The following RBMS3 variants were observed in gnomAD, a reference collection of about 807,000 sequenced individuals.
RBMS3 encodes RNA-binding motif, single-stranded-interacting protein 3.
Under a neutral mutation model 66.8 loss-of-function variants are expected in RBMS3, and 27 were observed. The observed-to-expected ratio is 0.40, with a 90% CI of 0.30 to 0.56. The LOEUF (loss-of-function observed/expected upper bound fraction) is 0.56, where lower values mean the gene tolerates loss of function less well. Among genes scored for constraint, RBMS3 ranks in the 20% least tolerant of loss-of-function variants. The pLI, the probability that RBMS3 is intolerant of heterozygous loss-of-function variation, is 0.40. For synonymous variants in RBMS3, 188 were observed against 183.0 expected (o/e 1.03, Z -0.22); for missense variants, 513 against 549.5 (o/e 0.93, Z 0.66).
intron 14 of RBMS3, among the ~76,000 whole-genome samples, chr3:30,001,014 T>C (rs1158790273): frequency 6.6e-6 from 1 of 151,124 alleles, no homozygotes; most frequent in Admixed American, 6.6e-5. Context: ...GTTCTGCATA[T>C]GTATCCCAGA....
intron 1 of RBMS3, among the ~76,000 whole-genome samples, chr3:29,389,218 T>C (rs1207858104): frequency 1.3e-5 from 2 of 152,180 alleles, no homozygotes; most frequent in African/African-American, 4.8e-5. Flanking sequence ...TTCTCATTTT[T>C]CTTCTTTGCC....
intron 3 of RBMS3, among the ~76,000 whole-genome samples, chr3:29,563,304 G>T (rs1040082930): frequency 6.6e-6 from 1 of 152,114 alleles, no homozygotes; most frequent in African/African-American, 2.4e-5. Flanking sequence ...ACATATTAAC[G>T]GACAAAACAC....
At chr3:29,956,484 G>T (rs1322034560) in intron 12 of RBMS3, among the ~76,000 whole-genome samples, 1 of 151,918 alleles carries the variant, frequency 6.6e-6, no homozygotes, top group African/African-American at 2.4e-5. Flanking sequence ...ATCCCTTGTG[G>T]TATTAAAGCT....
chr3:29,949,199 T>C (rs1174572506), intron 12 of RBMS3, among the ~76,000 whole-genome samples: 1 of 151,122 alleles, frequency 6.6e-6, no homozygotes, highest in East Asian at 1.9e-4. Context: ...TGTTTTTTGG[T>C]TTTTGTTTTG....
chr3:29,399,990 G>T (rs542372867), intron 1 of RBMS3, among the ~76,000 whole-genome samples: 1 of 152,042 alleles, frequency 6.6e-6, no homozygotes, highest in Non-Finnish European at 1.5e-5. Flanking sequence ...CTGAATTCAG[G>T]TTTCAAGGAT....
chr3:29,530,053 G>T (rs1457740454), intron 3 of RBMS3, among the ~76,000 whole-genome samples: 3 of 152,044 alleles, frequency 2.0e-5, no homozygotes, highest in Non-Finnish European at 4.4e-5. Context: ...CTTGAGATTT[G>T]CATTCCCTCT....
At position 29,786,787 on chromosome 3, in the gene RBMS3, A is replaced by G. The variant is rs564372632; in HGVS notation, c.637+23798A>G. Reference sequence around the variant, plus strand: ...TTTCTAGACATTGGCTTAGGCAAGTACTTTATGACCAAGAACCCAAAAGCA... The same window carrying G: ...TTTCTAGACATTGGCTTAGGCAAGTGCTTTATGACCAAGAACCCAAAAGCA... On this transcript the variant is annotated intron_variant, in intron 6 of 14. Coordinates refer to ENST00000383767, the MANE Select transcript of RBMS3 (RefSeq NM_001003793.3). 2.0e-5 allele frequency among the ~76,000 whole-genome samples: 3 copies of G among 152,330 alleles called. No homozygotes were observed. The East Asian group carries it at 5.8e-4, about 29-fold the overall frequency.
chr3:29,696,424 A>AT (rs145292731), intron 4 of RBMS3, among the ~76,000 whole-genome samples: 17,949 of 152,116 alleles, frequency 0.12, 2,266 homozygotes, highest in African/African-American at 0.32. Context: ...TTTGTACTAA[A>AT]TTATGTTTTA....
chr3:29,878,165 C>G (rs984084518), intron 7 of RBMS3, among the ~76,000 whole-genome samples: 1 of 151,914 alleles, frequency 6.6e-6, no homozygotes, highest in Non-Finnish European at 1.5e-5. Context: ...ATCGAATGCC[C>G]CTCTGAAATG....
chr3:29,572,315 T>C (rs1001619189), intron 3 of RBMS3, among the ~76,000 whole-genome samples: 2 of 152,188 alleles, frequency 1.3e-5, no homozygotes, highest in African/African-American at 4.8e-5. Flanking sequence ...CTATGTTAAA[T>C]AACAGTGGTG....
intron 4 of RBMS3, among the ~76,000 whole-genome samples, chr3:29,709,939 C>T (rs1245619087): frequency 1.3e-5 from 2 of 151,972 alleles, no homozygotes; most frequent in Non-Finnish European, 2.9e-5. Context: ...GATATAGGGT[C>T]GGTTAAGTGA....
intron 1 of RBMS3, among the ~76,000 whole-genome samples, chr3:29,306,733 T>C (rs889824316): frequency 6.6e-6 from 1 of 151,818 alleles, no homozygotes; most frequent in Admixed American, 6.6e-5. Context: ...CTGCAGAGGC[T>C]CCCTTCAGTT....
intron 1 of RBMS3, among the ~76,000 whole-genome samples, chr3:29,392,267 G>A (rs1462759522): frequency 2.0e-5 from 3 of 151,938 alleles, no homozygotes; most frequent in Admixed American, 6.6e-5. Context: ...AAAAGAAAAC[G>A]TAGAGAAAAA....
chr3:29,747,783 T>C (rs2054989840), intron 5 of RBMS3, among the ~76,000 whole-genome samples: 1 of 152,166 alleles, frequency 6.6e-6, no homozygotes, highest in Non-Finnish European at 1.5e-5. Context: ...AAAGGCATTA[T>C]TCAGAAAGAA....
chr3:29,873,735 G>T (rs372564500), intron 7 of RBMS3, among the ~76,000 whole-genome samples: 4 of 152,032 alleles, frequency 2.6e-5, no homozygotes, highest in Non-Finnish European at 4.4e-5. Context: ...TTCATAAATG[G>T]CTCTTATTAT....
At chr3:29,724,212 T>G (rs1166601593) in intron 4 of RBMS3, among the ~76,000 whole-genome samples, 1 of 152,218 alleles carries the variant, frequency 6.6e-6, no homozygotes, top group Non-Finnish European at 1.5e-5. Flanking sequence ...TAACATCTAG[T>G]AAGTTTACAC....
At chr3:29,652,717 G>T (rs946408082) in intron 4 of RBMS3, among the ~76,000 whole-genome samples, 42 of 152,080 alleles carry the variant, frequency 2.8e-4, no homozygotes, top group African/African-American at 9.4e-4. Flanking sequence ...ATGTCTTTAA[G>T]GTTTGTTTTT....
At chr3:29,739,218 C>A (rs2054514464) in intron 4 of RBMS3, among the ~76,000 whole-genome samples, 1 of 152,100 alleles carries the variant, frequency 6.6e-6, no homozygotes, top group African/African-American at 2.4e-5. Context: ...CTTTGGGAGG[C>A]CGAGGTGGGC....
intron 6 of RBMS3, among the ~76,000 whole-genome samples, chr3:29,790,064 T>C (rs950828613): frequency 2.6e-5 from 4 of 152,212 alleles, no homozygotes; most frequent in African/African-American, 9.6e-5. Flanking sequence ...CAGGTGATTT[T>C]AGCTAAGACA....
Sources: allele counts gnomAD v4.1 joint callset (sites outside exome capture counted in the v4.1 genomes callset), GRCh38; gene constraint gnomAD v4.1.1; transcripts MANE v1.5; gene names NCBI Gene and HGNC (gene_info 2026-07-23, HGNC 2026-07-21).